Variants in ATXN1 observed in about 807,000 individuals in gnomAD.
The protein encoded by ATXN1 is ataxin-1.
In ATXN1, 8 loss-of-function variants were observed where a neutral mutation model predicts 56.4. The observed-to-expected ratio is 0.14, with a 90% confidence interval of 0.08 to 0.26. The LOEUF (loss-of-function observed/expected upper bound fraction) is 0.26, where lower values mean the gene tolerates loss of function less well. ATXN1 is among the 10% of genes least tolerant of loss of function. The probability of loss-of-function intolerance (pLI) is 1.00; values close to 1 mark genes in which losing one functional copy is unlikely to be tolerated. For missense variants in ATXN1, 987 were observed against 1,106.5 expected (o/e 0.89, Z 1.53); for synonymous variants, 514 against 494.6 (o/e 1.04, Z -0.52).
intron 2 of ATXN1, among the ~76,000 whole-genome samples, chr6:16,744,869 A>C (rs1002091760): frequency 6.6e-6 from 1 of 152,248 alleles, no homozygotes; most frequent in Non-Finnish European, 1.5e-5. Context: ...ACCGTTGTAC[A>C]ACAAAAAGCA....
chr6:16,327,988 G>A lies in ATXN1; in HGVS notation c.323C>T (p.Thr108Ile), dbSNP rs1760883557. ...VATTLPAAYA[T>I]PQPGTPVSPV... ...GGACACCGGGGTCCCTGGCTGCGGGGTGGCGTACGCGGCAGGCAGCGTGGT... is the reference window on the plus strand; with the variant it reads ...GGACACCGGGGTCCCTGGCTGCGGGATGGCGTACGCGGCAGGCAGCGTGGT... The change falls in exon 7 of 8, where the codon ACC becomes ATC. Residue 108 changes from threonine to isoleucine, a missense_variant. Physicochemically the swap from Thr to Ile is moderately conservative, Grantham distance 89. Around this residue, in one of 3 missense-constraint regions of ATXN1, gnomAD observed 723 missense variants for 791.7 expected, o/e 0.91. Coordinates refer to ENST00000436367, the MANE Select transcript of ATXN1 (RefSeq NM_001128164.2). 6.2e-7 allele frequency: 1 copy of A among 1,613,594 alleles called. No homozygotes were observed. Among genetic ancestry groups the A allele is most frequent in the South Asian group, 1.1e-5 (1 of 91,034 alleles).
At chr6:16,640,821 C>T (rs190562235) in intron 3 of ATXN1, among the ~76,000 whole-genome samples, 5 of 151,420 alleles carry the variant, frequency 3.3e-5, no homozygotes, top group East Asian at 1.9e-4. Flanking sequence ...TTAAGCTTAG[C>T]GAGGAAGGCA....
intron 3 of ATXN1, among the ~76,000 whole-genome samples, chr6:16,655,551 C>T (rs986600272): frequency 1.3e-5 from 2 of 151,994 alleles, no homozygotes; most frequent in South Asian, 2.1e-4. Flanking sequence ...AAAGAGAGAC[C>T]AGTCAGCGAA....
intron 6 of ATXN1, among the ~76,000 whole-genome samples, chr6:16,365,540 G>A (rs748311113): frequency 2.0e-5 from 3 of 152,172 alleles, no homozygotes; most frequent in Non-Finnish European, 2.9e-5. Flanking sequence ...ACATTCAAAT[G>A]ACATTTGGGG....
At chr6:16,364,856 A>G (rs962710357) in intron 6 of ATXN1, among the ~76,000 whole-genome samples, 19 of 152,344 alleles carry the variant, frequency 1.2e-4, no homozygotes, top group Non-Finnish European at 2.4e-4. Context: ...ATGAAGTAAA[A>G]TGTGACTTGG....
intron 5 of ATXN1, among the ~76,000 whole-genome samples, chr6:16,489,785 C>A (rs1581796591): frequency 6.6e-6 from 1 of 151,958 alleles, no homozygotes; most frequent in African/African-American, 2.4e-5. Context: ...GCCACTGTAC[C>A]CCAGCCTGGG....
At chr6:16,663,540 T>G (rs189993638) in intron 2 of ATXN1, among the ~76,000 whole-genome samples, 74 of 152,350 alleles carry the variant, frequency 4.9e-4, no homozygotes, top group African/African-American at 1.7e-3. Flanking sequence ...AAATTTAGAA[T>G]GGCACTGTGC....
At chr6:16,476,492 TAA>T (rs1760329030) in intron 6 of ATXN1, among the ~76,000 whole-genome samples, 1 of 151,124 alleles carries the variant, frequency 6.6e-6, no homozygotes. Context: ...ATTTAAACAC[TAA>T]GTGTTGAATT....
At position 16,540,784 on chromosome 6, in the gene ATXN1, G is replaced by T. The variant is rs547745338; in HGVS notation, c.-360-18096C>A. 3.9e-5 allele frequency among the ~76,000 whole-genome samples: 6 copies of T among 152,216 alleles called. No individual in the cohort carries two copies. The East Asian group carries it at 9.7e-4, about 25-fold the overall frequency. ...ATGCTTTTTCCCTCTGCTTGGAATG[G>T]CTGTCTCATGTATTTACTTATGAGT... On this transcript the variant is annotated intron_variant, in intron 4 of 7. Coordinates refer to ENST00000436367, the MANE Select transcript of ATXN1 (RefSeq NM_001128164.2).
intron 4 of ATXN1, among the ~76,000 whole-genome samples, chr6:16,565,336 A>G (rs1399819051): frequency 6.6e-6 from 1 of 152,188 alleles, no homozygotes; most frequent in African/African-American, 2.4e-5. Flanking sequence ...TTGTTTAGGG[A>G]AGAAACTGCA....
intron 6 of ATXN1, among the ~76,000 whole-genome samples, chr6:16,482,205 T>C (rs189328555): frequency 6.3e-4 from 96 of 152,214 alleles, no homozygotes; most frequent in African/African-American, 2.2e-3. Context: ...ATGAGAGGCA[T>C]TCACTTAGTG....
At chr6:16,694,783 CAG>C (rs1759126238) in intron 2 of ATXN1, among the ~76,000 whole-genome samples, 1 of 152,198 alleles carries the variant, frequency 6.6e-6, no homozygotes, top group Non-Finnish European at 1.5e-5. Context: ...TCTCCAGTGA[CAG>C]AGGTTTCACT....
At chr6:16,454,125 CAAAAAAAAAAAAAAA>C (rs56277549) in intron 6 of ATXN1, among the ~76,000 whole-genome samples, 36,059 of 78,200 alleles carry the variant, frequency 0.46, 5,833 homozygotes, top group Middle Eastern at 0.54. Flanking sequence ...GACTCTGTCT[CAAAAAAAAAAAAAAA>C]AAAAAAAAAA....
chr6:16,383,098 C>T (rs959354448), intron 6 of ATXN1, among the ~76,000 whole-genome samples: 2 of 152,174 alleles, frequency 1.3e-5, no homozygotes, highest in African/African-American at 4.8e-5. Context: ...CCCTACCCCG[C>T]ACCATATCTT....
At chr6:16,681,886 C>T (rs750219249) in intron 2 of ATXN1, among the ~76,000 whole-genome samples, 1 of 152,144 alleles carries the variant, frequency 6.6e-6, no homozygotes, top group African/African-American at 2.4e-5. Flanking sequence ...AAAATATACA[C>T]GTGGCAGATA....
At chr6:16,550,801 T>G (rs897192231) in intron 4 of ATXN1, among the ~76,000 whole-genome samples, 2 of 152,248 alleles carry the variant, frequency 1.3e-5, no homozygotes, top group Non-Finnish European at 2.9e-5. Flanking sequence ...TTTTCTTGAC[T>G]ATAAGCAATA....
intron 7 of ATXN1, among the ~76,000 whole-genome samples, chr6:16,308,270 G>C (rs2113376197): frequency 6.6e-6 from 1 of 151,648 alleles, no homozygotes; most frequent in Admixed American, 6.6e-5. Flanking sequence ...AGGCTGCAGT[G>C]AACCGAGATC....
intron 2 of ATXN1, among the ~76,000 whole-genome samples, chr6:16,687,427 GA>G (rs1486146607): frequency 6.6e-6 from 1 of 151,930 alleles, no homozygotes. Context: ...AGAGCCCTTT[GA>G]AATTACTGGC....
intron 6 of ATXN1, among the ~76,000 whole-genome samples, chr6:16,382,557 G>C (rs1360538775): frequency 1.3e-5 from 2 of 152,166 alleles, no homozygotes; most frequent in African/African-American, 4.8e-5. Flanking sequence ...TTAGGGGTGG[G>C]TGGGGTGAGA....
Sources: gnomAD v4.1 joint callset for allele counts (sites outside exome capture counted in the v4.1 genomes callset) on GRCh38, gnomAD v4.1.1 for gene constraint, gnomAD v4.1.1 regional missense constraint, MANE v1.5 for transcripts, NCBI Gene and HGNC (gene_info 2026-07-23, HGNC 2026-07-21) for gene names.